Variants in KCNH8 observed in about 807,000 individuals in gnomAD.
The protein encoded by KCNH8 is potassium voltage-gated channel subfamily H member 8, also known as voltage-gated delayed rectifier potassium channel KCNH8.
In KCNH8, 70 loss-of-function variants were observed where a neutral mutation model predicts 103.6. The observed-to-expected ratio is 0.68, with a 90% CI of 0.56 to 0.82. The LOEUF is 0.82. Among genes scored for constraint, KCNH8 ranks in the 40% least tolerant of loss-of-function variants. KCNH8 has a pLI of 0.00. For missense variants in KCNH8, 1,217 were observed against 1,329.9 expected (o/e 0.92, Z 1.32); for synonymous variants, 498 against 489.4 (o/e 1.02, Z -0.23).
At chr3:19,204,624 A>AT (rs139918088) in intron 1 of KCNH8, among the ~76,000 whole-genome samples, 3,924 of 152,204 alleles carry the variant, frequency 0.026, 87 homozygotes, top group Non-Finnish European at 0.031. Flanking sequence ...GGAGGGAAGC[A>AT]TAATGTATTG....
chr3:19,220,772 C>CT lies in KCNH8; in HGVS notation c.77-32870dup, dbSNP rs112617144. ...ATCATATACTCCCTGAACAATGGCA[C>CT]TTTTTTTTTTTTCTCATCCTATCAG... On this transcript the variant is annotated intron_variant, in intron 1 of 15. Transcript: ENST00000328405. Among the ~76,000 whole-genome samples the CT allele has an allele frequency of 1.8e-3, 270 of 146,672 alleles. 5 individuals carry two copies. Among genetic ancestry groups the CT allele is most frequent in the African/African-American group, 4.7e-3 (188 of 40,316 alleles).
At position 19,183,073 on chromosome 3, in the gene KCNH8, A is replaced by G. The variant is rs367915962; in HGVS notation, c.76+34278A>G. The stretch of plus-strand genomic sequence containing the variant: ...TTAAAGGTGTTTATCTAAAATGTAC[A>G]GTTAATATATTTAGTGGTGAAGCTT... On this transcript the variant is annotated intron_variant, in intron 1 of 15. Coordinates refer to ENST00000328405, the MANE Select transcript of KCNH8 (RefSeq NM_144633.3). Among the ~76,000 whole-genome samples the G allele has an allele frequency of 4.6e-5, 7 of 152,204 alleles. No individual in the cohort carries two copies. In the East Asian group the frequency reaches 1.2e-3, roughly 25 times the overall value.
intron 11 of KCNH8, among the ~76,000 whole-genome samples, chr3:19,497,054 A>G (rs2068458086): frequency 6.6e-6 from 1 of 152,122 alleles, no homozygotes; most frequent in South Asian, 2.1e-4. Context: ...TGTTTGTAGT[A>G]GTCTCTGAGG....
intron 15 of KCNH8, among the ~76,000 whole-genome samples, chr3:19,531,229 T>A (rs1422483735): frequency 6.6e-6 from 1 of 152,176 alleles, no homozygotes; most frequent in Admixed American, 6.5e-5. Flanking sequence ...TCTTTAACCA[T>A]CTCATTTAGT....
chr3:19,446,548 C>A (rs2067365012), intron 8 of KCNH8, among the ~76,000 whole-genome samples: 1 of 151,870 alleles, frequency 6.6e-6, no homozygotes, highest in African/African-American at 2.4e-5. Context: ...ATCTGCCATC[C>A]ACAAGCCAGT....
intron 11 of KCNH8, among the ~76,000 whole-genome samples, chr3:19,473,717 T>G (rs1321740433): frequency 6.6e-6 from 1 of 152,222 alleles, no homozygotes; most frequent in Admixed American, 6.5e-5. Flanking sequence ...TGTGAATGTA[T>G]CATATTTGCC....
At chr3:19,501,471 C>CA (rs879331672) in intron 11 of KCNH8, among the ~76,000 whole-genome samples, 56 of 152,032 alleles carry the variant, frequency 3.7e-4, no homozygotes, top group African/African-American at 1.2e-3. Context: ...GAGACACAAC[C>CA]AAAAAAGAGA....
chr3:19,501,299 AAAAAGAG>A (rs2068577670), intron 11 of KCNH8, among the ~76,000 whole-genome samples: 1 of 152,222 alleles, frequency 6.6e-6, no homozygotes, highest in Non-Finnish European at 1.5e-5. Flanking sequence ...CTTACCAACG[AAAAAGAG>A]TCCAGACCAG....
chr3:19,300,777 C>T (rs1160873619), intron 3 of KCNH8, among the ~76,000 whole-genome samples: 1 of 151,690 alleles, frequency 6.6e-6, no homozygotes, highest in East Asian at 1.9e-4. Context: ...TATCCAACCA[C>T]ATTTTCTTCT....
chr3:19,234,565 G>A lies in KCNH8; in HGVS notation c.77-19089G>A, dbSNP rs376056608. On this transcript the variant is annotated intron_variant, in intron 1 of 15. Coordinates refer to ENST00000328405, the MANE Select transcript of KCNH8 (RefSeq NM_144633.3). Reference sequence around the variant, plus strand: ...GGGTCCGCGAGCCCTCGCCCACGCGGAACTCCCGCTGGCCCGCAAGCACCG... The same window carrying A: ...GGGTCCGCGAGCCCTCGCCCACGCGAAACTCCCGCTGGCCCGCAAGCACCG... Among the ~76,000 whole-genome samples, 15 of 152,336 alleles carry A rather than the reference G, an allele frequency of 9.8e-5. 2 individuals carry two copies. Among genetic ancestry groups the A allele is most frequent in the East Asian group, 5.8e-4 (3 of 5,166 alleles).
intron 11 of KCNH8, among the ~76,000 whole-genome samples, chr3:19,472,293 T>C (rs906260046): frequency 2.0e-5 from 3 of 151,766 alleles, no homozygotes; most frequent in Non-Finnish European, 4.4e-5. Context: ...AGGCACTTTA[T>C]ATACCATCCA....
intron 8 of KCNH8, among the ~76,000 whole-genome samples, chr3:19,439,203 C>T (rs560483112): frequency 3.6e-4 from 55 of 152,250 alleles, no homozygotes; most frequent in African/African-American, 1.3e-3. Context: ...GCCCAAAATG[C>T]TCTCTAGAGA....
At chr3:19,171,550 G>GTAGA (rs10694730) in intron 1 of KCNH8, among the ~76,000 whole-genome samples, 8,729 of 152,132 alleles carry the variant, frequency 0.057, 802 homozygotes, top group African/African-American at 0.19. Flanking sequence ...CAATTTTCGA[G>GTAGA]TATTCATTAG....
chr3:19,403,841 CTA>C (rs1370028008), intron 7 of KCNH8, among the ~76,000 whole-genome samples: 1 of 151,822 alleles, frequency 6.6e-6, no homozygotes, highest in Non-Finnish European at 1.5e-5. Context: ...ATGCTAATCA[CTA>C]TGCAATTTTC....
chr3:19,521,532 A>G (rs180997216), intron 15 of KCNH8, among the ~76,000 whole-genome samples: 4 of 152,092 alleles, frequency 2.6e-5, no homozygotes, highest in Admixed American at 2.6e-4. Context: ...CTCTCATATA[A>G]GCACCCTCCT....
intron 7 of KCNH8, among the ~76,000 whole-genome samples, chr3:19,433,086 T>C (rs1285520458): frequency 6.6e-6 from 1 of 152,162 alleles, no homozygotes; most frequent in Non-Finnish European, 1.5e-5. Context: ...CAATTCATCA[T>C]TGCTTAAGTG....
intron 3 of KCNH8, among the ~76,000 whole-genome samples, chr3:19,297,535 G>A (rs2065011996): frequency 6.6e-6 from 1 of 152,164 alleles, no homozygotes; most frequent in South Asian, 2.1e-4. Flanking sequence ...TGGCTAAATT[G>A]AAGTTACAGT....
chr3:19,501,775 T>C (rs1013080470), intron 11 of KCNH8, among the ~76,000 whole-genome samples: 1 of 152,136 alleles, frequency 6.6e-6, no homozygotes, highest in African/African-American at 2.4e-5. Flanking sequence ...GTGACGTATC[T>C]CAAAATAATA....
chr3:19,227,643 A>G (rs898706502), intron 1 of KCNH8, among the ~76,000 whole-genome samples: 2 of 152,246 alleles, frequency 1.3e-5, no homozygotes, highest in Non-Finnish European at 1.5e-5. Flanking sequence ...AATGAGTTTA[A>G]TGTAAAACAA....
Sources: allele counts gnomAD v4.1 joint callset (sites outside exome capture counted in the v4.1 genomes callset), GRCh38; gene constraint gnomAD v4.1.1; transcripts MANE v1.5; gene names NCBI Gene and HGNC (gene_info 2026-07-23, HGNC 2026-07-21).